The following LRRC27 variants were observed in gnomAD, a reference collection of about 807,000 sequenced individuals.
LRRC27 encodes leucine-rich repeat-containing protein 27.
A neutral mutation model predicts 55.0 loss-of-function variants in LRRC27; 57 were observed. The observed-to-expected ratio is 1.04, with a 90% CI of 0.84 to 1.29. The LOEUF (loss-of-function observed/expected upper bound fraction) is 1.29, where lower values mean the gene tolerates loss of function less well. Ranked by LOEUF, LRRC27 falls within the 50% of genes most tolerant of loss-of-function variation. The pLI, the probability that LRRC27 is intolerant of heterozygous loss-of-function variation, is 0.00. For missense variants in LRRC27, 721 were observed against 651.5 expected (o/e 1.11, Z -1.16); for synonymous variants, 278 against 251.9 (o/e 1.10, Z -0.98).
At position 132,370,233 on chromosome 10, in the gene LRRC27, A is replaced by T. The variant is rs1444282301; in HGVS notation, c.1416+4683A>T. ...GTTTCTCTGTGATTAAAAAAAATTC[A>T]TGTGAAGTTCCTGATGAAGGGTTCA... On this transcript the variant is annotated intron_variant, in intron 10 of 10. Transcript: ENST00000368614. Among the ~76,000 whole-genome samples the T allele has an allele frequency of 5.3e-5, 8 of 152,282 alleles. No homozygotes were observed. In the South Asian group the frequency reaches 1.4e-3, roughly 28 times the overall value.
chr10:132,342,225 T>A lies in LRRC27; in HGVS notation c.354T>A (p.Thr118=). 1 of 1,553,166 alleles carries A rather than the reference T, an allele frequency of 6.4e-7. No individual in the cohort carries two copies. The highest frequency in any genetic ancestry group is 8.7e-7 in the Non-Finnish European group (1 of 1,148,118). ...SGIGAHQHLK[T]LLLERNPIKM... ...TTTTGCTTTAAAGGCATTTGAAAAC[T>A]TTGCTTTTAGAAAGAAATCCTATCA... The change falls in exon 4 of 11, where the codon ACT becomes ACA. Residue 118 remains threonine, a synonymous_variant. Transcript: ENST00000368614.
chr10:132,344,987 TA>T (rs2067606994), intron 5 of LRRC27: 1 of 196,786 alleles, frequency 5.1e-6, no homozygotes, highest in South Asian at 1.3e-4. Context: ...GCAGCTATTT[TA>T]AAATAAGTAC....
At chr10:132,330,324 A>G, upstream of LRRC27, 1 of 655,550 alleles carries the variant, frequency 1.5e-6, no homozygotes, top group Non-Finnish European at 2.9e-6. Flanking sequence ...GAAAAGAGAT[A>G]CTGGAATGCT....
chr10:132,343,986 T>A (rs1415138188), intron 4 of LRRC27, among the ~76,000 whole-genome samples: 4 of 152,258 alleles, frequency 2.6e-5, no homozygotes, highest in African/African-American at 9.6e-5. Context: ...CATTTCACAT[T>A]TGTGGAGTCC....
intron 3 of LRRC27, among the ~76,000 whole-genome samples, chr10:132,338,226 G>T (rs2067223293): frequency 6.6e-6 from 1 of 152,138 alleles, no homozygotes; most frequent in South Asian, 2.1e-4. Context: ...TGAGGCAGGA[G>T]AATTGCTTGA....
In LRRC27 at chr10:132,347,001, C is replaced by T. The variant is rs112726880; in HGVS notation, c.554-983C>T. On this transcript the variant is annotated intron_variant, in intron 5 of 10. Coordinates refer to ENST00000368614, the MANE Select transcript of LRRC27 (RefSeq NM_030626.3). ...CTGGGGTCTCACTCAGCCTTCAGGTCGTGCTGGGCACGTGCTGGGAGAAGA... is the reference window on the plus strand; with the variant it reads ...CTGGGGTCTCACTCAGCCTTCAGGTTGTGCTGGGCACGTGCTGGGAGAAGA... Among the ~76,000 whole-genome samples the T allele has an allele frequency of 5.3e-3, 809 of 152,310 alleles. 6 individuals are homozygous for T. Among genetic ancestry groups the T allele is most frequent in the African/African-American group, 0.018 (744 of 41,572 alleles).
intron 9 of LRRC27, among the ~76,000 whole-genome samples, chr10:132,364,269 G>GCC (rs1564852537): frequency 6.8e-6 from 1 of 147,528 alleles, no homozygotes; most frequent in African/African-American, 2.5e-5. Context: ...GAGACTGTGT[G>GCC]CCATTGTATT....
upstream of LRRC27, chr10:132,331,674 C>T (rs763512799): frequency 3.7e-6 from 6 of 1,612,790 alleles, no homozygotes; most frequent in Non-Finnish European, 5.1e-6. Context: ...CTTTTCTGCT[C>T]GGCTGTCCTC....
In LRRC27 at chr10:132,355,667, C is replaced by A. The variant is rs2068274630; in HGVS notation, c.1074-123C>A. The A allele has an allele frequency of 6.3e-5, 43 of 683,698 alleles. 1 individual carries two copies. In the South Asian group the frequency reaches 7.2e-4, roughly 11 times the overall value. 42.4% of individuals were successfully genotyped at this position (683,698 alleles called of 1,614,324 possible). On this transcript the variant is annotated intron_variant, in intron 7 of 10. Transcript: ENST00000368614. ...TTCAGACTCCCACCCGGAGGGCATGCACGCCCCCAGCCTGTGCCCCCTGGA... is the reference window on the plus strand; with the variant it reads ...TTCAGACTCCCACCCGGAGGGCATGAACGCCCCCAGCCTGTGCCCCCTGGA...
chr10:132,358,244 G>T (rs1216438209), intron 8 of LRRC27, among the ~76,000 whole-genome samples: 1 of 152,204 alleles, frequency 6.6e-6, no homozygotes, highest in African/African-American at 2.4e-5. Context: ...GCCTGTGAGG[G>T]ACACGTAGGG....
Position 132,351,650 on chromosome 10 carries a change from T to G in LRRC27, c.970T>G (p.Ser324Ala). The G allele has an allele frequency of 6.2e-7, 1 of 1,614,108 alleles. No individual in the cohort carries two copies. Among genetic ancestry groups the G allele is most frequent in the Non-Finnish European group, 8.5e-7 (1 of 1,180,024 alleles). ...SSRSILPDLLSPYQMAIRAKR... is the reference protein window; with the variant it reads ...SSRSILPDLLAPYQMAIRAKR... ...CAGGAGCATCTTACCCGACCTCTTG[T>G]CACCGTACCAAATGGCGATCCGAGC... Residue 324 changes from serine (S) to alanine (A), a missense_variant, in exon 7 of 11, where the codon TCA (serine) becomes GCA (alanine). Coordinates refer to ENST00000368614, the MANE Select transcript of LRRC27 (RefSeq NM_030626.3).
chr10:132,348,085 G>A lies in LRRC27; in HGVS notation c.655G>A (p.Asp219Asn). The A allele has an allele frequency of 1.9e-6, 3 of 1,614,136 alleles. No individual in the cohort carries two copies. Among genetic ancestry groups the A allele is most frequent in the Non-Finnish European group, 2.5e-6 (3 of 1,180,040 alleles). The change falls in exon 6 of 11, where the codon GAC becomes AAC. Residue 219 changes from aspartate (D) to asparagine (N), a missense_variant. Transcript: ENST00000368614. The surrounding 1 kb of genome is among the most constrained non-coding windows in gnomAD (Gnocchi z 4.2). ...ASNQGAVNAQ[D>N]PEGAVMKEKA... ...TAACCAAGGAGCTGTGAACGCTCAG[G>A]ACCCAGAGGGGGCTGTGATGAAAGA...
In LRRC27 at chr10:132,348,235, A is replaced by G. The variant is rs368198094; in HGVS notation, c.805A>G (p.Ile269Val). The G allele has an allele frequency of 3.1e-6, 5 of 1,614,004 alleles. No individual in the cohort carries two copies. The highest frequency in any genetic ancestry group is 4.2e-6 in the Non-Finnish European group (5 of 1,180,036). Residue 269 changes from isoleucine to valine, a missense_variant, in exon 6 of 11, where the codon ATT (isoleucine) becomes GTT (valine). By Grantham distance (29) the Ile-to-Val change is conservative (BLOSUM62 3). Coordinates refer to ENST00000368614, the MANE Select transcript of LRRC27 (RefSeq NM_030626.3). This position sits in a 1 kb window ranked among gnomAD's most constrained non-coding sequence, Gnocchi z 4.2. ...GCGCTTTTGGAAGCTGAGGCAGGAG[A>G]TTGTTGAGCACGTGAAGGCAGACGT... ...IRRFWKLRQEIVEHVKADVLG... is the reference protein window; with the variant it reads ...IRRFWKLRQEVVEHVKADVLG...
At position 132,355,845 on chromosome 10, in the gene LRRC27, A is replaced by G. The variant is rs1439353470; in HGVS notation, c.1129A>G (p.Lys377Glu). 1.9e-6 allele frequency: 3 copies of G among 1,558,948 alleles called. No individual in the cohort carries two copies. Among genetic ancestry groups the G allele is most frequent in the Non-Finnish European group, 2.6e-6 (3 of 1,151,186 alleles). The change falls in exon 8 of 11, where the codon AAG (lysine) becomes GAG (glutamate). Residue 377 changes from lysine to glutamate, a missense_variant. Transcript: ENST00000368614. ...GCGAGCCCAGAGGATGAGGAAGAGGAAGGAAGAGCTCAGCAAACTCCTGCC... is the reference window on the plus strand; with the variant it reads ...GCGAGCCCAGAGGATGAGGAAGAGGGAGGAAGAGCTCAGCAAACTCCTGCC... ...RERAQRMRKR[K>E]EELSKLLPPR... is the part of the protein sequence containing the mutation.
At chr10:132,339,650 C>A (rs1036801494) in intron 3 of LRRC27, among the ~76,000 whole-genome samples, 1 of 152,208 alleles carries the variant, frequency 6.6e-6, no homozygotes, top group Non-Finnish European at 1.5e-5. Flanking sequence ...AAGCCTGAGG[C>A]TGAGAGTGCT....
rs549096082 is a variant in LRRC27 at position 132,355,944 on chromosome 10, C to T, written c.1170+58C>T. ...GTCCAGTCCCGGGGGTGGGTGGGTG[C>T]TCACAGGCATCCCTGTCCATGGAGG... On this transcript the variant is annotated intron_variant, in intron 8 of 10. Coordinates refer to ENST00000368614, the MANE Select transcript of LRRC27 (RefSeq NM_030626.3). 9.0e-6 allele frequency: 11 copies of T among 1,224,012 alleles called. No homozygotes were observed. In the East Asian group the frequency reaches 2.6e-4, roughly 29 times the overall value. 75.8% of individuals were successfully genotyped at this position (1,224,012 alleles called of 1,614,324 possible). A position where few individuals can be genotyped will look rare whatever the true frequency, so the allele number is the denominator to read the frequency against.
At chr10:132,336,083 G>A (rs567675348) in intron 2 of LRRC27, among the ~76,000 whole-genome samples, 62 of 152,346 alleles carry the variant, frequency 4.1e-4, no homozygotes, top group African/African-American at 1.4e-3. Flanking sequence ...ACCATAACCA[G>A]CTCCAAGTCA....
chr10:132,334,260 T>G (rs1015354781), intron 2 of LRRC27, among the ~76,000 whole-genome samples: 6 of 152,246 alleles, frequency 3.9e-5, no homozygotes, highest in African/African-American at 1.2e-4. Context: ...GCAGCACTTG[T>G]CCCTGCTGGG....
At chr10:132,352,265 C>G (rs1273765397) in intron 7 of LRRC27, among the ~76,000 whole-genome samples, 4 of 69,212 alleles carry the variant, frequency 5.8e-5, no homozygotes, top group African/African-American at 2.4e-4. Flanking sequence ...GCATGGGCTC[C>G]CTTGTTTGTA....
Sources: gnomAD v4.1 joint callset for allele counts (sites outside exome capture counted in the v4.1 genomes callset) on GRCh38, gnomAD v4.1.1 for gene constraint, Gnocchi (gnomAD v3.1) non-coding constraint, MANE v1.5 for transcripts, NCBI Gene and HGNC (gene_info 2026-07-23, HGNC 2026-07-21) for gene names.